Variants in SLC6A3 observed in about 807,000 individuals in gnomAD.
The protein encoded by SLC6A3 is sodium-dependent dopamine transporter.
Under a neutral mutation model 70.4 loss-of-function variants are expected in SLC6A3, and 19 were observed. The ratio of observed to expected loss-of-function variants is 0.27; its 90% CI spans 0.19 to 0.40. SLC6A3 has a LOEUF of 0.40. SLC6A3 is among the 10% of genes least tolerant of loss of function. The probability of loss-of-function intolerance (pLI) is 1.00; values close to 1 mark genes in which losing one functional copy is unlikely to be tolerated. For synonymous variants in SLC6A3, 368 were observed against 356.6 expected (o/e 1.03, Z -0.36); for missense variants, 613 against 838.5 (o/e 0.73, Z 3.32).
chr5:1,426,546 A>C (rs1459625593), intron 4 of SLC6A3, among the ~76,000 whole-genome samples: 1 of 152,236 alleles, frequency 6.6e-6, no homozygotes, highest in African/African-American at 2.4e-5. Flanking sequence ...TGTCTCTAAA[A>C]AGGAAAAAGA....
intron 14 of SLC6A3, among the ~76,000 whole-genome samples, chr5:1,400,685 G>A (rs941525084): frequency 6.6e-5 from 10 of 152,152 alleles, no homozygotes. Flanking sequence ...TTCCTCAGGC[G>A]TCTGTGCAGC....
At position 1,432,703 on chromosome 5, in the gene SLC6A3, C is replaced by A. The variant is rs369492734; in HGVS notation, c.419-5G>T. The A allele has an allele frequency of 1.3e-5, 21 of 1,610,760 alleles. No individual in the cohort carries two copies. Among genetic ancestry groups the A allele is most frequent in the Middle Eastern group, 1.6e-4 (1 of 6,080 alleles). On this transcript the variant is annotated splice_region_variant and splice_polypyrimidine_tract_variant and intron_variant, in intron 3 of 14. Transcript: ENST00000270349. ...GGATGACCGTGAAGCCCACACCTAG[C>A]GGGAAGGGGGAGGCCATGGAGCCCA...
At position 1,408,886 on chromosome 5, in the gene SLC6A3, C is replaced by G; in HGVS notation, c.1498+140G>C. 1.4e-6 allele frequency: 1 copy of G among 705,474 alleles called. No homozygotes were observed. Among genetic ancestry groups the G allele is most frequent in the Non-Finnish European group, 2.6e-6 (1 of 389,050 alleles). The allele number at this position is 705,474 out of a possible 1,614,324, so 43.7% of individuals were successfully genotyped here. A position where few individuals can be genotyped will look rare whatever the true frequency, so the allele number is the denominator to read the frequency against. On this transcript the variant is annotated intron_variant, in intron 11 of 14. Transcript: ENST00000270349. This position sits in a 1 kb window ranked among gnomAD's most constrained non-coding sequence, Gnocchi z 6.4. ...TCAAAGGGACCAGTGCCAAGCCTCT[C>G]CCCTCTGCGGAGCTGTGATGACCAC...
Position 1,403,047 on chromosome 5 carries a change from A to G in SLC6A3, c.1642T>C (p.Tyr548His). 1.2e-6 allele frequency: 2 copies of G among 1,613,930 alleles called. No homozygotes were observed. Among genetic ancestry groups the G allele is most frequent in the Non-Finnish European group, 1.7e-6 (2 of 1,180,014 alleles). The change falls in exon 13 of 15, where the codon TAC (tyrosine) becomes CAC (histidine). Residue 548 changes from tyrosine (Y) to histidine (H), a missense_variant. Tyr to His is a moderately conservative substitution (Grantham distance 83). Around this residue, in one of 4 missense-constraint regions of SLC6A3, gnomAD observed 348 missense variants for 481.2 expected, o/e 0.72. Coordinates refer to ENST00000270349, the MANE Select transcript of SLC6A3 (RefSeq NM_001044.5). ...CAGTCGGGGAAGATGTAGGCTCCGT[A>G]GTGGGGGGGTCTGAAGGTCACAATG... ...VSIVTFRPPHYGAYIFPDWAN... is the reference protein window; with the variant it reads ...VSIVTFRPPHHGAYIFPDWAN...
In SLC6A3 at chr5:1,443,224, G is replaced by C; in HGVS notation, c.-27C>G. On this transcript the variant is annotated 5_prime_UTR_variant, in exon 2 of 15. Transcript: ENST00000270349. ...GGCACACTGGGAGTTGAGGAATTCT[G>C]TGCTTCTTCCCTCTTGGTCTTCAGC... 1 of 1,613,000 alleles carries C rather than the reference G, an allele frequency of 6.2e-7. No individual in the cohort carries two copies. The highest frequency in any genetic ancestry group is 8.5e-7 in the Non-Finnish European group (1 of 1,179,146).
At chr5:1,440,324 G>A (rs1022443844) in intron 3 of SLC6A3, among the ~76,000 whole-genome samples, 2 of 152,022 alleles carry the variant, frequency 1.3e-5, no homozygotes, top group Non-Finnish European at 2.9e-5. Flanking sequence ...TCGATAGGTA[G>A]ATGGATGGAT....
Position 1,442,764 on chromosome 5 carries a change from G to A in SLC6A3, c.286+148C>T, listed in dbSNP as rs2126414847. 1 of 789,350 alleles carries A rather than the reference G, an allele frequency of 1.3e-6. No homozygotes were observed. Among genetic ancestry groups the A allele is most frequent in the Non-Finnish European group, 2.2e-6 (1 of 460,388 alleles). The allele number at this position is 789,350 out of a possible 1,614,324, so 48.9% of individuals were successfully genotyped here. Reference sequence around the variant, plus strand: ...AATGGTTTTGTGACATCCTCTGGGAGGATCTGCACCGGCCGTGAGCTCTCA... The same window carrying A: ...AATGGTTTTGTGACATCCTCTGGGAAGATCTGCACCGGCCGTGAGCTCTCA... On this transcript the variant is annotated intron_variant, in intron 2 of 14. Transcript: ENST00000270349. The surrounding 1 kb of genome is among the most constrained non-coding windows in gnomAD (Gnocchi z 5.0).
In SLC6A3 at chr5:1,404,324, G is replaced by T. The variant is rs533964077; in HGVS notation, c.1600-1235C>A. Among the ~76,000 whole-genome samples the T allele has an allele frequency of 3.9e-5, 6 of 152,356 alleles. No homozygotes were observed. In the South Asian group the frequency reaches 1.0e-3, roughly 26 times the overall value. Reference sequence around the variant, plus strand: ...CCTGCAGCATCTGGGATCAGGGGCGGCTGCCTTGGCTGCACAGAGAGCCCT... The same window carrying T: ...CCTGCAGCATCTGGGATCAGGGGCGTCTGCCTTGGCTGCACAGAGAGCCCT... On this transcript the variant is annotated intron_variant, in intron 12 of 14. Transcript: ENST00000270349. This position sits in a 1 kb window ranked among gnomAD's most constrained non-coding sequence, Gnocchi z 5.2.
Position 1,394,591 on chromosome 5 carries a change from A to T in SLC6A3, c.*144T>A. 1 of 824,596 alleles carries T rather than the reference A, an allele frequency of 1.2e-6. No individual in the cohort carries two copies. The highest frequency in any genetic ancestry group is 2.1e-6 in the Non-Finnish European group (1 of 469,368). The allele number at this position is 824,596 out of a possible 1,614,324, so 51.1% of individuals were successfully genotyped here. A position where few individuals can be genotyped will look rare whatever the true frequency, so the allele number is the denominator to read the frequency against. The stretch of plus-strand genomic sequence containing the variant: ...AAGGTGTAAACAGTCAGAAGAGAGG[A>T]GTCTTCTGCTTTGTTGTTTGTGTTT... On this transcript the variant is annotated 3_prime_UTR_variant, in exon 15 of 15. Coordinates refer to ENST00000270349, the MANE Select transcript of SLC6A3 (RefSeq NM_001044.5). The surrounding 1 kb of genome is among the most constrained non-coding windows in gnomAD (Gnocchi z 4.7).
intron 8 of SLC6A3, among the ~76,000 whole-genome samples, chr5:1,412,646 G>T (rs27049): frequency 1 from 152,149 of 152,364 alleles, 75,975 homozygotes; most frequent in Middle Eastern, 1. Flanking sequence ...CCTTTGACCA[G>T]TTCAGAAGCC....
rs191933076 is a variant in SLC6A3, at chr5:1,396,381, G to C, written c.1840-1623C>G. Among the ~76,000 whole-genome samples, 3 of 152,360 alleles carry C rather than the reference G, an allele frequency of 2.0e-5. No homozygotes were observed. In the East Asian group the frequency reaches 5.8e-4, roughly 29 times the overall value. ...CCAGACCATGGACACCAGACCGTAA[G>C]GGTCAGTGGTCCCTGAGGGAAGCCA... On this transcript the variant is annotated intron_variant, in intron 14 of 14. Transcript: ENST00000270349. The surrounding 1 kb of genome is among the most constrained non-coding windows in gnomAD (Gnocchi z 7.0).
intron 11 of SLC6A3, among the ~76,000 whole-genome samples, chr5:1,407,925 C>T (rs1756022677): frequency 6.6e-6 from 1 of 152,328 alleles, no homozygotes. Flanking sequence ...CCCTTGTTTG[C>T]AGGTGAGCTG....
intron 1 of SLC6A3, among the ~76,000 whole-genome samples, chr5:1,443,996 G>A (rs1292567774): frequency 2.0e-5 from 3 of 152,134 alleles, no homozygotes; most frequent in Non-Finnish European, 4.4e-5. Flanking sequence ...CCAAGCCTGG[G>A]CTTGTATTGT....
Position 1,406,119 on chromosome 5 carries a change from C to T in SLC6A3, c.1599+69G>A, listed in dbSNP as rs1755972962. On this transcript the variant is annotated intron_variant, in intron 12 of 14. Transcript: ENST00000270349. The surrounding 1 kb of genome is among the most constrained non-coding windows in gnomAD (Gnocchi z 8.8). ...GACAACCCACATGCGGGCGCTGGAC[C>T]TCGGGGCAGGTGCCAGAGTGGGGGC... 9.3e-6 allele frequency: 11 copies of T among 1,183,440 alleles called. No homozygotes were observed. Among genetic ancestry groups the T allele is most frequent in the Non-Finnish European group, 1.4e-5 (11 of 788,266 alleles). 73.3% of individuals were successfully genotyped at this position (1,183,440 alleles called of 1,614,324 possible).
At position 1,408,937 on chromosome 5, in the gene SLC6A3, G is replaced by C; in HGVS notation, c.1498+89C>G. On this transcript the variant is annotated intron_variant, in intron 11 of 14. Transcript: ENST00000270349. The surrounding 1 kb of genome is among the most constrained non-coding windows in gnomAD (Gnocchi z 6.4). ...AACCCAGGCTTCCTGCAGCTGAAAG[G>C]TGTTTCCTCACGGAGCCTTTTTCAG... is the stretch of plus-strand genomic sequence containing the variant. 3.4e-6 allele frequency: 3 copies of C among 881,884 alleles called. No homozygotes were observed. In the South Asian group the frequency reaches 4.2e-5, roughly 12 times the overall value. 54.6% of individuals were successfully genotyped at this position (881,884 alleles called of 1,614,324 possible).
At chr5:1,434,130 GC>G (rs1756775008) in intron 3 of SLC6A3, among the ~76,000 whole-genome samples, 1 of 152,246 alleles carries the variant, frequency 6.6e-6, no homozygotes, top group Non-Finnish European at 1.5e-5. Flanking sequence ...CTCATTTACA[GC>G]CATGTGGAGC....
chr5:1,432,763 G>C, intron 3 of SLC6A3, 65 bp from the exon 4 acceptor site: 1 of 1,121,286 alleles, frequency 8.9e-7, no homozygotes, highest in Non-Finnish European at 1.3e-6. Context: ...TCAGCAACGT[G>C]TCCCTTCCAC....
rs757847029 is a variant in SLC6A3, at chr5:1,404,140, C to T, written c.1600-1051G>A. Among the ~76,000 whole-genome samples the T allele has an allele frequency of 9.9e-5, 15 of 152,220 alleles. No individual in the cohort carries two copies. The highest frequency in any genetic ancestry group is 2.1e-4 in the Non-Finnish European group (14 of 68,046). On this transcript the variant is annotated intron_variant, in intron 12 of 14. Transcript: ENST00000270349. The surrounding 1 kb of genome is among the most constrained non-coding windows in gnomAD (Gnocchi z 5.2). ...CCTTCCACCTGAAAAGCATGTTGGA[C>T]GCGTGTCTCATGCCAGTCTCAGCAT...
At chr5:1,427,243 A>G (rs1756592541) in intron 4 of SLC6A3, among the ~76,000 whole-genome samples, 1 of 152,258 alleles carries the variant, frequency 6.6e-6, no homozygotes, top group Admixed American at 6.5e-5. Context: ...GAAAAAATCT[A>G]TGACAACAAT....
Sources: gnomAD v4.1 joint callset for allele counts (sites outside exome capture counted in the v4.1 genomes callset) on GRCh38, gnomAD v4.1.1 for gene constraint, gnomAD v4.1.1 regional missense constraint, Gnocchi (gnomAD v3.1) non-coding constraint, MANE v1.5 for transcripts, NCBI Gene and HGNC (gene_info 2026-07-23, HGNC 2026-07-21) for gene names.